The following PRSS12 variants were observed in gnomAD, a reference collection of about 807,000 sequenced individuals.
PRSS12 encodes the protein neurotrypsin.
In PRSS12, 85 loss-of-function variants were observed where a neutral mutation model predicts 104.4. The ratio of observed to expected loss-of-function variants is 0.81; its 90% CI spans 0.68 to 0.98. The LOEUF is 0.98. Among genes scored for constraint, PRSS12 ranks in the 50% least tolerant of loss-of-function variants. The pLI, the probability that PRSS12 is intolerant of heterozygous loss-of-function variation, is 0.00. For synonymous variants in PRSS12, 454 were observed against 425.2 expected (o/e 1.07, Z -0.83); for missense variants, 1,141 against 1,139.2 (o/e 1.00, Z -0.02).
At position 118,352,169 on chromosome 4, in the gene PRSS12, C is replaced by A. The variant is rs1438403180; in HGVS notation, c.502+50G>T. On this transcript the variant is annotated intron_variant, in intron 1 of 12. Coordinates refer to ENST00000296498, the MANE Select transcript of PRSS12 (RefSeq NM_003619.4). ...ACCTGTACGCCGGCCCCAAGCCTCA[C>A]TGGCTCCGAGCCCGTCCGGAGTTTC... is the stretch of plus-strand genomic sequence containing the variant. 3.1e-6 allele frequency: 5 copies of A among 1,605,414 alleles called. No individual in the cohort carries two copies. The Admixed American group carries it at 5.1e-5, about 16-fold the overall frequency.
In PRSS12 at chr4:118,331,730, C is replaced by T; in HGVS notation, c.957G>A (p.Arg319=). Residue 319 remains arginine, a synonymous_variant, in exon 4 of 13, where the codon AGG becomes AGA. Transcript: ENST00000296498. ...TAAAAACAAACCTGAGGCCCAGCTG[C>T]CTGCAGATCACTTCTGCATCGGCAT... ...WDDADAEVIC[R]QLGLSGIAKA... 1 of 1,614,132 alleles carries T rather than the reference C, an allele frequency of 6.2e-7. No homozygotes were observed. The highest frequency in any genetic ancestry group is 8.5e-7 in the Non-Finnish European group (1 of 1,180,030).
rs1040925957 is a variant in PRSS12 at position 118,316,253 on chromosome 4, C to A, written c.1221G>T (p.Gln407His). 3 of 1,614,154 alleles carry A rather than the reference C, an allele frequency of 1.9e-6. No homozygotes were observed. Among genetic ancestry groups the A allele is most frequent in the Non-Finnish European group, 2.5e-6 (3 of 1,180,020 alleles). Residue 407 changes from glutamine to histidine, a missense_variant, in exon 6 of 13, where the codon CAG becomes CAT. Transcript: ENST00000296498. The stretch of plus-strand genomic sequence containing the variant: ...AGCCATCATCACAGACAGTTCCCCA[C>A]TGGCCTCTGTAATATACCTCCAAGC... ...EGRLEVYYRG[Q>H]WGTVCDDGWT...
intron 11 of PRSS12, among the ~76,000 whole-genome samples, chr4:118,286,479 CT>C (rs1458529910): frequency 2.6e-5 from 4 of 152,188 alleles, no homozygotes; most frequent in Admixed American, 1.3e-4. Context: ...ATCTTCTGCT[CT>C]CCTGAAAGCT....
chr4:118,340,581 T>A (rs1379433157), intron 1 of PRSS12, among the ~76,000 whole-genome samples: 1 of 152,192 alleles, frequency 6.6e-6, no homozygotes, highest in Non-Finnish European at 1.5e-5. Context: ...ACAACTTTTT[T>A]AAAAACAGCA....
At chr4:118,295,934 G>T in intron 9 of PRSS12, 78 bp from the exon 10 acceptor site, 1 of 1,259,452 alleles carries the variant, frequency 7.9e-7, no homozygotes, top group Non-Finnish European at 1.2e-6. Context: ...ATACTCCACT[G>T]ATGCTTCCTC....
At position 118,318,379 on chromosome 4, in the gene PRSS12, T is replaced by C. The variant is rs951665291; in HGVS notation, c.1149A>G (p.Thr383=). The C allele has an allele frequency of 1.9e-6, 3 of 1,613,782 alleles. No individual in the cohort carries two copies. The highest frequency in any genetic ancestry group is 1.3e-5 in the African/African-American group (1 of 74,928). ...EDAGVSCTPL[T]DGVIRLAGGK... ...ACACTAATGGAGTGAAATCCTTACC[T>C]GTTAGAGGGGTACAGGACACTCCAG... The change falls in exon 5 of 13, where the codon ACA becomes ACG. Residue 383 remains threonine, a splice_region_variant and synonymous_variant. Coordinates refer to ENST00000296498, the MANE Select transcript of PRSS12 (RefSeq NM_003619.4).
Position 118,288,535 on chromosome 4 carries a change from A to G in PRSS12, c.2040-5424T>C, listed in dbSNP as rs1057229388. 2.0e-5 allele frequency among the ~76,000 whole-genome samples: 3 copies of G among 152,234 alleles called. No individual in the cohort carries two copies. In the East Asian group the frequency reaches 5.8e-4, roughly 29 times the overall value. On this transcript the variant is annotated intron_variant, in intron 11 of 12. Transcript: ENST00000296498. ...ATTGCATTTCTAGGGCAAAAAGTCA[A>G]TGAGATAAAGTCAGGTAAAGTTATA...
chr4:118,308,542 T>C lies in PRSS12; in HGVS notation c.1525A>G (p.Lys509Glu). 1.9e-6 allele frequency: 3 copies of C among 1,614,086 alleles called. No homozygotes were observed. The highest frequency in any genetic ancestry group is 2.5e-6 in the Non-Finnish European group (3 of 1,179,962). The change falls in exon 8 of 13, where the codon AAA becomes GAA. Residue 509 changes from lysine to glutamate, a missense_variant. Physicochemically the swap from Lys to Glu is moderately conservative, Grantham distance 56 (BLOSUM62 1). Transcript: ENST00000296498. The stretch of plus-strand genomic sequence containing the variant: ...ATAAAAACCTCCACTCGTCCTTCTT[T>C]CTTATTTTCTCCATCCATCAGTCTG... Reference protein sequence around the residue: ...PVRLMDGENKKEGRVEVFING... With the variant: ...PVRLMDGENKEEGRVEVFING...
intron 4 of PRSS12, 128 bp from the exon 5 acceptor site, chr4:118,318,684 T>G (rs772877207): frequency 1.2e-5 from 11 of 923,140 alleles, no homozygotes; most frequent in Non-Finnish European, 1.7e-5. Flanking sequence ...AGGTCATGCA[T>G]GACTTTCTGT....
At chr4:118,346,348 T>C (rs1288637136) in intron 1 of PRSS12, among the ~76,000 whole-genome samples, 1 of 152,016 alleles carries the variant, frequency 6.6e-6, no homozygotes, top group African/African-American at 2.4e-5. Context: ...ATAATTATCA[T>C]GTTTTCTTCC....
intron 11 of PRSS12, among the ~76,000 whole-genome samples, chr4:118,294,613 C>T (rs140179040): frequency 0.016 from 2,358 of 152,008 alleles, 54 homozygotes; most frequent in African/African-American, 0.054. Context: ...CTAAATAATC[C>T]GAGGTCTATT....
Position 118,283,062 on chromosome 4 carries a change from T to G in PRSS12, c.2089A>C (p.Thr697Pro), listed in dbSNP as rs774083823. 1.2e-6 allele frequency: 2 copies of G among 1,614,010 alleles called. No individual in the cohort carries two copies. Among genetic ancestry groups the G allele is most frequent in the East Asian group, 2.2e-5 (1 of 44,880 alleles). ...TCCTCAAACTCCTCTGGTACCAGAGTATGATAATCTCCAACCCTAACAGCA... is the reference window on the plus strand; with the variant it reads ...TCCTCAAACTCCTCTGGTACCAGAGGATGATAATCTCCAACCCTAACAGCA... ...SYAVRVGDYH[T>P]LVPEEFEEEI... The change falls in exon 12 of 13, where the codon ACT (threonine) becomes CCT (proline). Residue 697 changes from threonine (T) to proline (P), a missense_variant. Thr to Pro is a conservative substitution (Grantham distance 38, BLOSUM62 -1). Coordinates refer to ENST00000296498, the MANE Select transcript of PRSS12 (RefSeq NM_003619.4).
intron 11 of PRSS12, among the ~76,000 whole-genome samples, chr4:118,287,303 GCTCA>G (rs1415506999): frequency 1.3e-5 from 2 of 152,126 alleles, no homozygotes; most frequent in Middle Eastern, 3.2e-3. Flanking sequence ...ATGCCACCAT[GCTCA>G]CTAATTTTCA....
intron 11 of PRSS12, among the ~76,000 whole-genome samples, chr4:118,287,724 T>C (rs1302251660): frequency 1.3e-5 from 2 of 152,208 alleles, no homozygotes; most frequent in Non-Finnish European, 2.9e-5. Context: ...GGTTCTAGGC[T>C]TCTCAAGACA....
intron 3 of PRSS12, among the ~76,000 whole-genome samples, chr4:118,332,852 T>C (rs762631298): frequency 1.3e-5 from 2 of 152,174 alleles, no homozygotes; most frequent in African/African-American, 2.4e-5. Context: ...CAAACAGATA[T>C]CAGACATATG....
At chr4:118,341,486 C>A (rs1205413978) in intron 1 of PRSS12, among the ~76,000 whole-genome samples, 1 of 152,016 alleles carries the variant, frequency 6.6e-6, no homozygotes, top group African/African-American at 2.4e-5. Flanking sequence ...AGTTCGAGAC[C>A]AGCCTGACCA....
chr4:118,300,887 G>T (rs919226814), intron 8 of PRSS12, among the ~76,000 whole-genome samples: 4 of 151,886 alleles, frequency 2.6e-5, no homozygotes, highest in Admixed American at 2.0e-4. Context: ...TCAAACTTTG[G>T]CAAAGAAAAC....
At chr4:118,294,849 C>A (rs1743216199) in intron 11 of PRSS12, 90 bp downstream of exon 11, 2 of 1,560,620 alleles carry the variant, frequency 1.3e-6, no homozygotes, top group Admixed American at 1.7e-5. Flanking sequence ...TAGCCTGGCT[C>A]TGACACCTTG....
chr4:118,293,293 T>C (rs1443815574), intron 11 of PRSS12, among the ~76,000 whole-genome samples: 3 of 151,920 alleles, frequency 2.0e-5, no homozygotes, highest in Non-Finnish European at 2.9e-5. Context: ...AAAAATAAAC[T>C]GGAAAAATTA....
Sources: allele counts gnomAD v4.1 joint callset (sites outside exome capture counted in the v4.1 genomes callset), GRCh38; gene constraint gnomAD v4.1.1; transcripts MANE v1.5; gene names NCBI Gene and HGNC (gene_info 2026-07-23, HGNC 2026-07-21).